The following LRP12 variants were observed in gnomAD, a reference collection of about 807,000 sequenced individuals.
The protein encoded by LRP12 is low-density lipoprotein receptor-related protein 12.
A neutral mutation model predicts 66.0 loss-of-function variants in LRP12; 14 were observed. That is an observed-to-expected ratio of 0.21 (90% CI 0.14 to 0.33). The LOEUF (loss-of-function observed/expected upper bound fraction) is 0.33. LRP12 is among the 10% of genes least tolerant of loss of function. The pLI is 1.00. For missense variants in LRP12, 889 were observed against 1,053.4 expected (o/e 0.84, Z 2.16); for synonymous variants, 357 against 359.1 (o/e 0.99, Z 0.07).
At chr8:104,541,659 C>T (rs573754995) in intron 1 of LRP12, among the ~76,000 whole-genome samples, 1 of 152,234 alleles carries the variant, frequency 6.6e-6, no homozygotes, top group East Asian at 1.9e-4. Flanking sequence ...AGTTATTCCC[C>T]TTTTTCTCTT....
chr8:104,509,637 C>G (rs77131469), intron 2 of LRP12, among the ~76,000 whole-genome samples: 6 of 151,930 alleles, frequency 3.9e-5, no homozygotes, highest in Admixed American at 1.3e-4. Flanking sequence ...GCTGGTAATT[C>G]GGATATGTCA....
chr8:104,529,609 A>G (rs767932366), intron 2 of LRP12, among the ~76,000 whole-genome samples: 2 of 152,206 alleles, frequency 1.3e-5, no homozygotes, highest in Non-Finnish European at 2.9e-5. Flanking sequence ...ATATCTATCT[A>G]AATTTCCAAA....
intron 1 of LRP12, among the ~76,000 whole-genome samples, chr8:104,545,990 C>G (rs1013325807): frequency 3.3e-5 from 5 of 152,054 alleles, no homozygotes; most frequent in African/African-American, 1.2e-4. Context: ...GCACAGTACC[C>G]AAATTGATAA....
intron 5 of LRP12, among the ~76,000 whole-genome samples, chr8:104,496,650 T>C (rs1010327912): frequency 2.6e-5 from 4 of 152,330 alleles, no homozygotes; most frequent in African/African-American, 7.2e-5. Context: ...ACTGGAATTT[T>C]TGAATTTGTA....
chr8:104,513,543 C>T lies in LRP12; in HGVS notation c.137-4469G>A, dbSNP rs192666878. ...CTTATCTCCACAGAAACCATGCTAG[C>T]AGGAAAAGGCCATCAGTGACCTCAC... On this transcript the variant is annotated intron_variant, in intron 2 of 6. Coordinates refer to ENST00000276654, the MANE Select transcript of LRP12 (RefSeq NM_013437.5). Among the ~76,000 whole-genome samples the T allele has an allele frequency of 4.6e-3, 699 of 152,282 alleles. 3 individuals carry two copies. The highest frequency in any genetic ancestry group is 7.6e-3 in the Non-Finnish European group (517 of 68,014).
intron 1 of LRP12, among the ~76,000 whole-genome samples, chr8:104,587,962 G>A (rs557801788): frequency 6.6e-6 from 1 of 152,274 alleles, no homozygotes; most frequent in Admixed American, 6.5e-5. Context: ...ATTATCTTAA[G>A]AGATAGATGT....
intron 2 of LRP12, among the ~76,000 whole-genome samples, chr8:104,530,622 C>T (rs371112512): frequency 1.7e-4 from 26 of 152,112 alleles, no homozygotes; most frequent in Admixed American, 1.3e-3. Flanking sequence ...CAGCAGCACA[C>T]GTAGACTAAA....
At chr8:104,547,190 TATATC>T (rs1311918366) in intron 1 of LRP12, among the ~76,000 whole-genome samples, 16 of 139,436 alleles carry the variant, frequency 1.1e-4, no homozygotes, top group East Asian at 4.1e-4. Context: ...AATTCTATGT[TATATC>T]ATATTTTGTA....
intron 1 of LRP12, 81 bp from the exon 2 acceptor site, chr8:104,532,044 C>T (rs905354645): frequency 7.5e-6 from 6 of 796,820 alleles, no homozygotes; most frequent in Non-Finnish European, 1.2e-5. Flanking sequence ...AAAAGAGAAA[C>T]AACTACATAG....
At chr8:104,504,814 G>T (rs146057673) in intron 3 of LRP12, 1 of 152,088 alleles carries the variant, frequency 6.6e-6, no homozygotes, top group Non-Finnish European at 1.5e-5. Flanking sequence ...CAAATTTGCC[G>T]GGCAATTCTC....
At chr8:104,524,272 A>G (rs1456602052) in intron 2 of LRP12, among the ~76,000 whole-genome samples, 1 of 150,432 alleles carries the variant, frequency 6.6e-6, no homozygotes, top group African/African-American at 2.4e-5. Flanking sequence ...AGAATACAGT[A>G]TTTAATACAT....
At chr8:104,575,077 C>G (rs1812143377) in intron 1 of LRP12, among the ~76,000 whole-genome samples, 1 of 152,042 alleles carries the variant, frequency 6.6e-6, no homozygotes, top group Admixed American at 6.5e-5. Flanking sequence ...ATGGCAGGAA[C>G]ATGGTGTGGG....
intron 1 of LRP12, among the ~76,000 whole-genome samples, chr8:104,537,302 T>C (rs1811404815): frequency 6.6e-6 from 1 of 151,914 alleles, no homozygotes; most frequent in African/African-American, 2.4e-5. Flanking sequence ...TCAGTATCAG[T>C]TTTTTAAGAC....
chr8:104,579,627 T>A (rs574814749), intron 1 of LRP12, among the ~76,000 whole-genome samples: 1 of 152,116 alleles, frequency 6.6e-6, no homozygotes, highest in South Asian at 2.1e-4. Flanking sequence ...GCAGAGGTAA[T>A]CCTAAGCAAA....
chr8:104,557,968 G>T (rs1282593766), intron 1 of LRP12, among the ~76,000 whole-genome samples: 1 of 152,148 alleles, frequency 6.6e-6, no homozygotes, highest in Non-Finnish European at 1.5e-5. Flanking sequence ...CCACCACTCT[G>T]GGAGGCCAAA....
In LRP12 at chr8:104,565,727, G is replaced by C. The variant is rs535271104; in HGVS notation, c.79+23092C>G. On this transcript the variant is annotated intron_variant, in intron 1 of 6. Coordinates refer to ENST00000276654, the MANE Select transcript of LRP12 (RefSeq NM_013437.5). ...TACAAAAAAATTAGCCAGGTGTGGT[G>C]GTGGGCGCCTGTAGTCCCAGCTACT... is the stretch of plus-strand genomic sequence containing the variant. 3.3e-5 allele frequency among the ~76,000 whole-genome samples: 5 copies of C among 151,842 alleles called. No homozygotes were observed. In the East Asian group the frequency reaches 5.8e-4, roughly 18 times the overall value.
intron 1 of LRP12, among the ~76,000 whole-genome samples, chr8:104,585,836 AG>A (rs747791490): frequency 6.6e-6 from 1 of 152,258 alleles, no homozygotes; most frequent in Non-Finnish European, 1.5e-5. Context: ...CGGAACTGTC[AG>A]AATTACCAAA....
Position 104,588,998 on chromosome 8 carries a change from C to CGCCGCCGCT in LRP12, c.-102_-101insAGCGGCGGC, listed in dbSNP as rs568538639. 1.4e-4 allele frequency: 127 copies of CGCCGCCGCT among 879,388 alleles called. No homozygotes were observed. In the African/African-American group the frequency reaches 2.0e-3, roughly 14 times the overall value. The allele number at this position is 879,388 out of a possible 1,614,324, so 54.5% of individuals were successfully genotyped here. On this transcript the variant is annotated 5_prime_UTR_variant, in exon 1 of 7. Coordinates refer to ENST00000276654, the MANE Select transcript of LRP12 (RefSeq NM_013437.5). ...CCGCCGCCGCCGCCGCCGCCGCCGC[C>CGCCGCCGCT]GAGCCACCGGCTGCTCCCTGCGCTC...
At chr8:104,557,208 C>A (rs1002077749) in intron 1 of LRP12, among the ~76,000 whole-genome samples, 1 of 152,014 alleles carries the variant, frequency 6.6e-6, no homozygotes, top group Non-Finnish European at 1.5e-5. Context: ...AACAAGATTG[C>A]GCACTTTGAC....
Sources: gnomAD v4.1 joint callset for allele counts (sites outside exome capture counted in the v4.1 genomes callset) on GRCh38, gnomAD v4.1.1 for gene constraint, MANE v1.5 for transcripts, NCBI Gene and HGNC (gene_info 2026-07-23, HGNC 2026-07-21) for gene names.